PRDM11: variants seen among roughly 807,000 people sequenced by gnomAD.
The protein encoded by PRDM11 is PR domain-containing protein 11.
Under a neutral mutation model 97.8 loss-of-function variants are expected in PRDM11, and 20 were observed. The ratio of observed to expected loss-of-function variants is 0.20; its 90% CI spans 0.14 to 0.30. PRDM11 has a LOEUF of 0.30. Among genes scored for constraint, PRDM11 ranks in the 10% least tolerant of loss-of-function variants. The pLI is 1.00. For synonymous variants in PRDM11, 599 were observed against 637.7 expected, an observed-to-expected ratio of 0.94 and a Z score of 0.91; for missense variants, 1,139 against 1,555.2, an observed-to-expected ratio of 0.73 and a Z score of 4.50.
At chr11:45,100,989 G>A (rs1429676808) in intron 1 of PRDM11, among the ~76,000 whole-genome samples, 1 of 152,208 alleles carries the variant, frequency 6.6e-6, no homozygotes, top group African/African-American at 2.4e-5. Context: ...TTCTTAACCA[G>A]CTCCAGAGTC....
chr11:45,095,707 T>G, upstream of PRDM11: 1 of 673,824 alleles, frequency 1.5e-6, no homozygotes, highest in East Asian at 2.6e-5. Context: ...CATTCTCTTT[T>G]TAACCCTTCT....
intron 4 of PRDM11, among the ~76,000 whole-genome samples, chr11:45,192,443 A>G (rs1260599114): frequency 6.6e-6 from 1 of 152,238 alleles, no homozygotes. Flanking sequence ...CTGGTAGTTT[A>G]GTTATTGAAT....
intron 5 of PRDM11, among the ~76,000 whole-genome samples, chr11:45,217,690 T>C (rs1853998132): frequency 6.6e-6 from 1 of 152,226 alleles, no homozygotes; most frequent in African/African-American, 2.4e-5. Flanking sequence ...TCCCAGGCTC[T>C]CCAGATGAGC....
intron 1 of PRDM11, among the ~76,000 whole-genome samples, chr11:45,179,464 C>T (rs890473832): frequency 2.6e-5 from 4 of 152,238 alleles, no homozygotes; most frequent in Admixed American, 1.3e-4. Context: ...TTAGTCATCT[C>T]AGGCTGCCAT....
At chr11:45,137,417 G>C (rs1033683424) in intron 1 of PRDM11, among the ~76,000 whole-genome samples, 2 of 145,370 alleles carry the variant, frequency 1.4e-5, no homozygotes, top group Non-Finnish European at 3.0e-5. Context: ...TGAGTGACAA[G>C]AGACTCCGTC....
chr11:45,212,845 C>A (rs554668507), intron 5 of PRDM11: 1 of 445,964 alleles, frequency 2.2e-6, no homozygotes, highest in East Asian at 7.0e-5. Flanking sequence ...CCAGCCGTGT[C>A]GGTCAGATGT....
chr11:45,106,314 C>G (rs1852061273), intron 1 of PRDM11, among the ~76,000 whole-genome samples: 1 of 152,174 alleles, frequency 6.6e-6, no homozygotes, highest in South Asian at 2.1e-4. Flanking sequence ...CACAGCCGTT[C>G]TCGTTGGAGG....
At chr11:45,218,739 G>A (rs1242074325) in intron 5 of PRDM11, among the ~76,000 whole-genome samples, 1 of 152,236 alleles carries the variant, frequency 6.6e-6, no homozygotes, top group East Asian at 1.9e-4. Context: ...TGTCGCACAT[G>A]TTGTTTCAGT....
In PRDM11 at chr11:45,232,252, G is replaced by A. The variant is rs143099415; in HGVS notation, c.*4093G>A. On this transcript the variant is annotated 3_prime_UTR_variant, in exon 8 of 8. Coordinates refer to ENST00000683152, the MANE Select transcript of PRDM11 (RefSeq NM_001384648.1). ...CAGCCCTGGCCCAGCCGGCACTGAG[G>A]GGCTGGTGCCATGTTACTTGATCAC... The A allele has an allele frequency of 6.6e-6, 1 of 152,290 alleles. No individual in the cohort carries two copies. Among genetic ancestry groups the A allele is most frequent in the East Asian group, 1.9e-4 (1 of 5,182 alleles). The allele number at this position is 152,290 out of a possible 1,614,324, so 9.4% of individuals were successfully genotyped here. A position where few individuals can be genotyped will look rare whatever the true frequency, so the allele number is the denominator to read the frequency against.
At chr11:45,212,802 T>C (rs921846446) in intron 5 of PRDM11, 7 of 455,888 alleles carry the variant, frequency 1.5e-5, no homozygotes, top group Non-Finnish European at 2.6e-5. Context: ...GCCAACAGCA[T>C]GCACGTCATC....
chr11:45,213,137 T>C, intron 5 of PRDM11: 1 of 456,658 alleles, frequency 2.2e-6, no homozygotes, highest in Non-Finnish European at 4.4e-6. Flanking sequence ...ACAGGATCGA[T>C]GACCCTTGTA....
upstream of PRDM11, among the ~76,000 whole-genome samples, chr11:45,143,722 G>T (rs575126115): frequency 3.0e-4 from 46 of 152,282 alleles, no homozygotes; most frequent in African/African-American, 1.1e-3. Context: ...TCTGAACATG[G>T]TTTCTCTGCC....
chr11:45,201,287 G>A (rs1853318309), intron 4 of PRDM11, among the ~76,000 whole-genome samples: 1 of 152,134 alleles, frequency 6.6e-6, no homozygotes, highest in African/African-American at 2.4e-5. Context: ...ATATCATTTA[G>A]TTTTTCAATA....
intron 1 of PRDM11, among the ~76,000 whole-genome samples, chr11:45,149,927 T>C (rs1851618565): frequency 6.6e-6 from 1 of 152,238 alleles, no homozygotes; most frequent in Non-Finnish European, 1.5e-5. Flanking sequence ...GTAGTGCATG[T>C]GCAGTTAATG....
intron 1 of PRDM11, among the ~76,000 whole-genome samples, chr11:45,157,814 G>A (rs192849500): frequency 4.6e-5 from 7 of 152,348 alleles, no homozygotes; most frequent in Admixed American, 3.3e-4. Context: ...CTGCAGGAAC[G>A]TGGACTGGTG....
At chr11:45,157,968 T>A (rs1479005111) in intron 1 of PRDM11, among the ~76,000 whole-genome samples, 1 of 152,012 alleles carries the variant, frequency 6.6e-6, no homozygotes, top group East Asian at 1.9e-4. Flanking sequence ...TGGCATGGGG[T>A]CTGTGCAGGA....
chr11:45,137,962 G>A (rs924769726), intron 1 of PRDM11, among the ~76,000 whole-genome samples: 3 of 152,036 alleles, frequency 2.0e-5, no homozygotes, highest in Non-Finnish European at 2.9e-5. Flanking sequence ...ATACACACAC[G>A]TACGTGAGAA....
rs142192119 is a variant in PRDM11 at position 45,119,355 on chromosome 11, C to T, written c.96+23454C>T. Among the ~76,000 whole-genome samples, 863 of 152,122 alleles carry T rather than the reference C, an allele frequency of 5.7e-3. 11 individuals carry two copies. The highest frequency in any genetic ancestry group is 0.02 in the African/African-American group (816 of 41,494). On this transcript the variant is annotated intron_variant, in intron 1 of 6. Coordinates refer to the PRDM11 transcript ENST00000530656. ...AAAAACCTGGTAAGGCGGCCGGGCGCGGTGGCTCACGCCTGTAATCCCAGC... is the reference window on the plus strand; with the variant it reads ...AAAAACCTGGTAAGGCGGCCGGGCGTGGTGGCTCACGCCTGTAATCCCAGC...
chr11:45,227,314 A>T lies in PRDM11; in HGVS notation c.2689A>T (p.Ile897Phe). The T allele has an allele frequency of 6.5e-7, 1 of 1,533,950 alleles. No homozygotes were observed. The highest frequency in any genetic ancestry group is 1.2e-5 in the South Asian group (1 of 83,964). ...VIAVLSRLAYIFQGEYLLVSQ... is the reference protein window; with the variant it reads ...VIAVLSRLAYFFQGEYLLVSQ... ...TGCTGTGCTCTCGCGTCTGGCCTAC[A>T]TCTTCCAGGGCGAGTACCTGCTGGT... is the stretch of plus-strand genomic sequence containing the variant. The change falls in exon 8 of 8, where the codon ATC becomes TTC. Residue 897 changes from isoleucine to phenylalanine, a missense_variant. By Grantham distance (21) the Ile-to-Phe change is conservative. This residue lies in a region of PRDM11 where 710 missense variants were observed against 1,044.9 expected (regional missense o/e 0.68). Coordinates refer to ENST00000683152, the MANE Select transcript of PRDM11 (RefSeq NM_001384648.1). The surrounding 1 kb of genome is among the most constrained non-coding windows in gnomAD (Gnocchi z 8.0).
Sources: gnomAD v4.1 joint callset for allele counts (sites outside exome capture counted in the v4.1 genomes callset) on GRCh38, gnomAD v4.1.1 for gene constraint, gnomAD v4.1.1 regional missense constraint, Gnocchi (gnomAD v3.1) non-coding constraint, MANE v1.5 for transcripts, NCBI Gene and HGNC (gene_info 2026-07-23, HGNC 2026-07-21) for gene names.